ZNF185: variants seen among roughly 807,000 people sequenced by gnomAD.
The protein encoded by ZNF185 is zinc finger protein 185.
Under a neutral mutation model 58.6 loss-of-function variants are expected in ZNF185, and 56 were observed. The observed-to-expected ratio is 0.95, with a 90% CI of 0.77 to 1.19. ZNF185 has a LOEUF of 1.19. ZNF185 is among the 50% of genes most tolerant of loss of function. ZNF185 has a pLI of 0.00. For missense variants in ZNF185, 627 were observed against 573.5 expected (o/e 1.09, Z -0.95); for synonymous variants, 230 against 215.9 (o/e 1.07, Z -0.57).
At chrX:152,927,926 G>A (rs1941183099) in intron 11 of ZNF185, among the ~76,000 whole-genome samples, 1 of 112,558 alleles carries the variant, frequency 8.9e-6, no homozygotes, top group African/African-American at 3.2e-5. Flanking sequence ...GAAAGCCTGG[G>A]AGCTCTATAT....
chrX:152,939,610 C>T (rs1401084598), intron 15 of ZNF185, among the ~76,000 whole-genome samples: 1 of 110,930 alleles, frequency 9.0e-6, no homozygotes, highest in Non-Finnish European at 1.9e-5. Context: ...TTTCCCCAAA[C>T]GTGGAAAAGG....
In ZNF185 at chrX:152,915,080, G is replaced by A. The variant is rs1184889117; in HGVS notation, c.159-58G>A. 9 of 1,162,366 alleles carry A rather than the reference G, an allele frequency of 7.7e-6. No homozygotes were observed. In the Admixed American group the frequency reaches 2.2e-4, roughly 28 times the overall value. ...GGCAGCCTCTAGGATGGAGGCCACA[G>A]GATGGCAGGTGACAGGGAGTCTCGG... On this transcript the variant is annotated intron_variant, in intron 2 of 22. Coordinates refer to ENST00000449285, the Ensembl canonical transcript of ZNF185.
At chrX:152,927,464 A>G (rs1241713417) in intron 11 of ZNF185, among the ~76,000 whole-genome samples, 1 of 109,187 alleles carries the variant, frequency 9.2e-6, no homozygotes, top group African/African-American at 3.4e-5. Flanking sequence ...TCCATCCCCT[A>G]CCCCTCCTGG....
At chrX:152,956,417 C>G (rs2048833304) in intron 16 of ZNF185, among the ~76,000 whole-genome samples, 1 of 111,728 alleles carries the variant, frequency 9.0e-6, no homozygotes, top group Admixed American at 9.5e-5. Context: ...TAATATAATT[C>G]ACTAAAAATA....
In ZNF185 at chrX:152,938,534, G is replaced by A. The variant is rs139607173; in HGVS notation, c.1211+371G>A. Among the ~76,000 whole-genome samples the A allele has an allele frequency of 5.5e-3, 617 of 111,428 alleles. 12 individuals are homozygous for A. The highest frequency in any genetic ancestry group is 0.019 in the African/African-American group (586 of 30,533). ...GTCCAGATTAGAGCAATACATGAGC[G>A]CTAGAGCAGGGGAAGGGGGCTTCAT... is the stretch of plus-strand genomic sequence containing the variant. On this transcript the variant is annotated intron_variant, in intron 15 of 22. Coordinates refer to ENST00000449285, the Ensembl canonical transcript of ZNF185.
chrX:152,970,623 C>T, intron 22 of ZNF185, 82 bp downstream of exon 24: 1 of 832,512 alleles, frequency 1.2e-6, no homozygotes. Flanking sequence ...CCTGGAGTCT[C>T]AGCCCCAGAC....
the ZNF185 span, among the ~76,000 whole-genome samples, chrX:152,905,442 G>A: frequency 2.7e-5 from 3 of 112,139 alleles, no homozygotes; most frequent in Admixed American, 2.8e-4. Context: ...ATGACACTGC[G>A]AGGGGTTTGT....
chrX:152,939,786 T>TTG (rs2046952222), intron 15 of ZNF185, among the ~76,000 whole-genome samples: 1 of 96,093 alleles, frequency 1.0e-5, no homozygotes, highest in Non-Finnish European at 2.1e-5. Flanking sequence ...GTTTTTTTTT[T>TTG]TTTTTTTTTT....
upstream of ZNF185, among the ~76,000 whole-genome samples, chrX:152,914,160 C>T (rs374605889): frequency 1.4e-4 from 16 of 111,743 alleles, no homozygotes; most frequent in African/African-American, 5.2e-4. Context: ...CATGTTCTCC[C>T]GTTATCAGTG....
At chrX:152,927,408 C>A (rs1941067016) in intron 11 of ZNF185, among the ~76,000 whole-genome samples, 1 of 111,445 alleles carries the variant, frequency 9.0e-6, no homozygotes, top group Non-Finnish European at 1.9e-5. Flanking sequence ...GAGCAGCCCG[C>A]TGACCCAGCC....
chrX:152,969,497 T>TGGAAGACACCTTGAGC lies in ZNF185; in HGVS notation c.1974+14_1974+29dup, dbSNP rs782247014. 1 of 1,161,214 alleles carries TGGAAGACACCTTGAGC rather than the reference T, an allele frequency of 8.6e-7. No individual in the cohort carries two copies. Among genetic ancestry groups the TGGAAGACACCTTGAGC allele is most frequent in the African/African-American group, 1.8e-5 (1 of 56,516 alleles). ...ATATTGCTTTAAGGTAAAAAAGAGG[T>TGGAAGACACCTTGAGC]GGAAGACACCTTGAGCTAGGCGGTA... On this transcript the variant is annotated intron_variant, in intron 21 of 22. Coordinates refer to ENST00000449285, the Ensembl canonical transcript of ZNF185.
intron 15 of ZNF185, among the ~76,000 whole-genome samples, chrX:152,942,552 G>A (rs782318654): frequency 2.7e-5 from 3 of 112,543 alleles, no homozygotes; most frequent in Non-Finnish European, 3.8e-5. Flanking sequence ...CCTCCTCTCA[G>A]AGGTGTTCAG....
intron 18 of ZNF185, among the ~76,000 whole-genome samples, chrX:152,964,266 G>A (rs782043719): frequency 8.0e-5 from 9 of 112,804 alleles, no homozygotes; most frequent in African/African-American, 2.6e-4. Context: ...CGTGAAGGCC[G>A]GGCCTGTGAG....
chrX:152,969,276 G>A (rs1194140073), intron 20 of ZNF185, 106 bp from the exon 23 acceptor site: 2 of 625,827 alleles, frequency 3.2e-6, no homozygotes, highest in East Asian at 7.2e-5. Flanking sequence ...TGGGGATCCT[G>A]ACAGCAAACC....
chrX:152,917,912 C>T (rs1339089327), intron 5 of ZNF185, 153 bp from the exon 7 acceptor site: 74 of 1,099,293 alleles, frequency 6.7e-5, no homozygotes, highest in Admixed American at 9.5e-5. Context: ...CTCTGAGTGG[C>T]GCAGTTCCGG....
chrX:152,935,942 T>C (rs2046230390), intron 14 of ZNF185, among the ~76,000 whole-genome samples: 1 of 111,858 alleles, frequency 8.9e-6, no homozygotes, highest in Non-Finnish European at 1.9e-5. Flanking sequence ...ACTAAATCCA[T>C]ATTGAGTGGG....
At chrX:152,924,281 GT>G (rs782163872) in intron 11 of ZNF185, among the ~76,000 whole-genome samples, 19 of 105,727 alleles carry the variant, frequency 1.8e-4, no homozygotes, top group Admixed American at 6.0e-4. Flanking sequence ...TACCCAGCTA[GT>G]TTTTTTTTTT....
exon 8 of ZNF185, chrX:152,920,411 G>A: frequency 1.7e-6 from 2 of 1,209,931 alleles, no homozygotes; most frequent in Non-Finnish European, 2.2e-6. Context: ...AAGAGCACTG[G>A]GTGAGTTGCC....
chrX:152,945,443 G>A, exon 16 of ZNF185: 1 of 1,203,679 alleles, frequency 8.3e-7, no homozygotes, highest in Non-Finnish European at 1.1e-6. Flanking sequence ...CAACTTGTCA[G>A]ACGAGAGAGT....
Sources: allele counts gnomAD v4.1 joint callset (sites outside exome capture counted in the v4.1 genomes callset), GRCh38; gene constraint gnomAD v4.1.1; transcripts MANE v1.5; gene names NCBI Gene and HGNC (gene_info 2026-07-23, HGNC 2026-07-21).